ASCC3: variants seen among roughly 807,000 people sequenced by gnomAD.
ASCC3 encodes ASC-1 complex subunit P200.
A neutral mutation model predicts 256.3 loss-of-function variants in ASCC3; 158 were observed. The observed-to-expected ratio is 0.62, with a 90% CI of 0.54 to 0.70. The LOEUF (loss-of-function observed/expected upper bound fraction) is 0.70, where lower values mean the gene tolerates loss of function less well. Among genes scored for constraint, ASCC3 ranks in the 30% least tolerant of loss-of-function variants. The pLI is 0.00. For missense variants in ASCC3, 2,259 were observed against 2,626.0 expected, an observed-to-expected ratio of 0.86 and a Z score of 3.05; for synonymous variants, 948 against 883.4, an observed-to-expected ratio of 1.07 and a Z score of -1.30.
At chr6:100,635,785 T>G (rs1774811970) in intron 25 of ASCC3, among the ~76,000 whole-genome samples, 1 of 152,170 alleles carries the variant, frequency 6.6e-6, no homozygotes, top group South Asian at 2.1e-4. Context: ...CTTACTTGAC[T>G]TGTAATGTAT....
intron 5 of ASCC3, among the ~76,000 whole-genome samples, chr6:100,804,493 A>G (rs984952556): frequency 1.3e-5 from 2 of 152,096 alleles, no homozygotes; most frequent in African/African-American, 4.8e-5. Context: ...CAGACAACCT[A>G]CAGAACAAGA....
At chr6:100,831,778 A>T (rs1242877307) in intron 4 of ASCC3, among the ~76,000 whole-genome samples, 1 of 152,202 alleles carries the variant, frequency 6.6e-6, no homozygotes, top group Non-Finnish European at 1.5e-5. Flanking sequence ...ATGAAACATA[A>T]GAAAATAATA....
At chr6:100,679,240 G>A (rs1471059829) in intron 14 of ASCC3, among the ~76,000 whole-genome samples, 1 of 149,428 alleles carries the variant, frequency 6.7e-6, no homozygotes, top group Non-Finnish European at 1.5e-5. Flanking sequence ...TATTTAGGTT[G>A]TATCTGTCAA....
intron 3 of ASCC3, chr6:100,856,905 AT>A (rs1273068751): frequency 6.6e-5 from 10 of 152,086 alleles, no homozygotes; most frequent in African/African-American, 2.2e-4. Context: ...GAATGCACCT[AT>A]TTTTGATATA....
chr6:100,764,035 A>G (rs1386132205), intron 10 of ASCC3, among the ~76,000 whole-genome samples: 1 of 152,198 alleles, frequency 6.6e-6, no homozygotes, highest in Non-Finnish European at 1.5e-5. Flanking sequence ...AGACTCAGGG[A>G]AGTTGCACAT....
At chr6:100,774,219 G>A (rs1304938342) in intron 8 of ASCC3, among the ~76,000 whole-genome samples, 2 of 152,136 alleles carry the variant, frequency 1.3e-5, no homozygotes. Context: ...GCGCAGTGGA[G>A]CAATCATAGC....
At chr6:100,570,108 T>C (rs1356743986) in intron 36 of ASCC3, among the ~76,000 whole-genome samples, 1 of 152,176 alleles carries the variant, frequency 6.6e-6, no homozygotes, top group Non-Finnish European at 1.5e-5. Context: ...AGAGAAATGT[T>C]ACTGATTTTT....
intron 4 of ASCC3, among the ~76,000 whole-genome samples, chr6:100,827,175 C>T (rs1771356244): frequency 6.6e-6 from 1 of 152,152 alleles, no homozygotes; most frequent in Non-Finnish European, 1.5e-5. Flanking sequence ...TTCAGAAGTC[C>T]ACAGTTTACA....
chr6:100,703,463 A>T (rs1382048959), intron 13 of ASCC3, among the ~76,000 whole-genome samples: 1 of 151,990 alleles, frequency 6.6e-6, no homozygotes. Context: ...TACTGGTCTC[A>T]GCTGAAAATG....
At chr6:100,847,968 T>C (rs1772461731) in intron 4 of ASCC3, 180 bp downstream of exon 4, 13 of 554,216 alleles carry the variant, frequency 2.3e-5, no homozygotes, top group South Asian at 1.6e-4. Flanking sequence ...CTTTCAGACC[T>C]CCTGTAACTA....
intron 1 of ASCC3, among the ~76,000 whole-genome samples, chr6:100,874,249 C>T (rs1475159133): frequency 2.0e-5 from 3 of 151,958 alleles, no homozygotes; most frequent in African/African-American, 7.3e-5. Context: ...AGGCGGATCA[C>T]GAGGTCAAGA....
At chr6:100,510,234 G>T in intron 40 of ASCC3, 127 bp from the exon 41 acceptor site, 1 of 1,017,434 alleles carries the variant, frequency 9.8e-7, no homozygotes, top group Non-Finnish European at 1.5e-6. Context: ...ATCTATCTGA[G>T]ATGTTTTAAA....
chr6:100,753,847 A>G (rs60211127), intron 10 of ASCC3, among the ~76,000 whole-genome samples: 1,911 of 152,254 alleles, frequency 0.013, 43 homozygotes, highest in African/African-American at 0.045. Context: ...AAAGAACCAT[A>G]ATCATTAGGC....
chr6:100,594,927 T>C (rs1443601215), intron 34 of ASCC3, among the ~76,000 whole-genome samples: 2 of 152,034 alleles, frequency 1.3e-5, no homozygotes, highest in East Asian at 1.9e-4. Context: ...CATTATGCCA[T>C]TGAAATAAGG....
intron 14 of ASCC3, among the ~76,000 whole-genome samples, chr6:100,674,653 G>C (rs1437240389): frequency 1.6e-5 from 2 of 124,072 alleles, no homozygotes; most frequent in Admixed American, 1.8e-4. Context: ...TTTTTTTTGA[G>C]ACAGAGTCTC....
At chr6:100,798,291 A>T (rs1769734339) in intron 8 of ASCC3, among the ~76,000 whole-genome samples, 1 of 152,126 alleles carries the variant, frequency 6.6e-6, no homozygotes, top group African/African-American at 2.4e-5. Context: ...CCACAGGCAA[A>T]CATTATTCAA....
In ASCC3 at chr6:100,679,673, T is replaced by C; in HGVS notation, c.2231A>G (p.His744Arg). The change falls in exon 14 of 42, where the codon CAT (histidine) becomes CGT (arginine). Residue 744 changes from histidine to arginine, a missense_variant. Transcript: ENST00000369162. Reference protein sequence around the residue: ...SLIERAKNCGHIPFFFPTQGH... With the variant: ...SLIERAKNCGRIPFFFPTQGH... Reference sequence around the variant, plus strand: ...TTGGGTAGGAAAAAAGAAGGGAATATGGCCACAATTTTTTGCTCTTTCTAT... The same window carrying C: ...TTGGGTAGGAAAAAAGAAGGGAATACGGCCACAATTTTTTGCTCTTTCTAT... The C allele has an allele frequency of 1.2e-6, 2 of 1,613,734 alleles. No homozygotes were observed. Among genetic ancestry groups the C allele is most frequent in the Non-Finnish European group, 8.5e-7 (1 of 1,179,770 alleles).
In ASCC3 at chr6:100,848,163, A is replaced by T. The variant is rs1772474609; in HGVS notation, c.786T>A (p.Asp262Glu). 6.3e-7 allele frequency: 1 copy of T among 1,594,934 alleles called. No individual in the cohort carries two copies. The highest frequency in any genetic ancestry group is 8.5e-7 in the Non-Finnish European group (1 of 1,172,988). Reference protein sequence around the residue: ...YDMLASIKSGDELQDELFELL... With the variant: ...YDMLASIKSGEELQDELFELL... ...TCAACTATACCTCATCCTGAAGTTC[A>T]TCACCACTTTTAATAGAAGCAAGCA... Residue 262 changes from aspartate to glutamate, a missense_variant, in exon 4 of 42, where the codon GAT (aspartate) becomes GAA (glutamate). By Grantham distance (45) the Asp-to-Glu change is conservative (BLOSUM62 2). This residue lies in a region of ASCC3 where 420 missense variants were observed against 419.3 expected (regional missense o/e 1.00). Coordinates refer to ENST00000369162, the MANE Select transcript of ASCC3 (RefSeq NM_006828.4).
chr6:100,625,430 G>T, intron 29 of ASCC3, 96 bp from the exon 30 acceptor site: 1 of 1,410,442 alleles, frequency 7.1e-7, no homozygotes, highest in Non-Finnish European at 1.0e-6. Flanking sequence ...AACTAATGAT[G>T]TAAACAATTT....
Sources: gnomAD v4.1 joint callset for allele counts (sites outside exome capture counted in the v4.1 genomes callset) on GRCh38, gnomAD v4.1.1 for gene constraint, gnomAD v4.1.1 regional missense constraint, MANE v1.5 for transcripts, NCBI Gene and HGNC (gene_info 2026-07-23, HGNC 2026-07-21) for gene names.